EFNA5: variants seen among roughly 807,000 people sequenced by gnomAD.
EFNA5 encodes the protein ephrin-A5.
Under a neutral mutation model 22.9 loss-of-function variants are expected in EFNA5, and 5 were observed. The observed-to-expected ratio is 0.22, with a 90% CI of 0.11 to 0.46. The LOEUF is 0.46. Among genes scored for constraint, EFNA5 ranks in the 20% least tolerant of loss-of-function variants. EFNA5 has a pLI of 0.99. For missense variants in EFNA5, 237 were observed against 293.3 expected (o/e 0.81, Z 1.40); for synonymous variants, 113 against 112.2 (o/e 1.01, Z -0.04).
At chr5:107,485,361 T>C (rs17594634) in intron 1 of EFNA5, among the ~76,000 whole-genome samples, 5,196 of 152,280 alleles carry the variant, frequency 0.034, 119 homozygotes, top group East Asian at 0.11. Context: ...CAGTAGCAAA[T>C]TCTCAGGCAG....
At chr5:107,486,022 A>T (rs1430836239) in intron 1 of EFNA5, among the ~76,000 whole-genome samples, 1 of 152,196 alleles carries the variant, frequency 6.6e-6, no homozygotes, top group Non-Finnish European at 1.5e-5. Context: ...TGTCATGTTG[A>T]GGGTAAATGT....
intron 1 of EFNA5, among the ~76,000 whole-genome samples, chr5:107,461,096 T>C (rs1045502321): frequency 1.3e-5 from 2 of 152,068 alleles, no homozygotes; most frequent in African/African-American, 4.8e-5. Flanking sequence ...CACATGCACA[T>C]TTAAGTAAAA....
intron 1 of EFNA5, among the ~76,000 whole-genome samples, chr5:107,564,635 T>TTA (rs1554066804): frequency 3.4e-5 from 5 of 146,130 alleles, no homozygotes; most frequent in African/African-American, 1.0e-4. Context: ...GTTTTTGTTT[T>TTA]TTTTTTTTTT....
Position 107,391,086 on chromosome 5 carries a change from G to A in EFNA5, c.419-3315C>T, listed in dbSNP as rs183396367. On this transcript the variant is annotated intron_variant, in intron 2 of 4. Coordinates refer to ENST00000333274, the MANE Select transcript of EFNA5 (RefSeq NM_001962.3). Reference sequence around the variant, plus strand: ...ATGCATGAGAATTGCTTGAGCCCAGGAGGCAGAGGTTGCAGTGAGCCGAGA... The same window carrying A: ...ATGCATGAGAATTGCTTGAGCCCAGAAGGCAGAGGTTGCAGTGAGCCGAGA... Among the ~76,000 whole-genome samples the A allele has an allele frequency of 4.6e-3, 702 of 152,304 alleles. 5 individuals are homozygous for A. The highest frequency in any genetic ancestry group is 0.034 in the Middle Eastern group (10 of 294).
chr5:107,420,743 G>GT (rs638106), intron 2 of EFNA5, among the ~76,000 whole-genome samples: 2 of 151,934 alleles, frequency 1.3e-5, no homozygotes, highest in African/African-American at 4.8e-5. Flanking sequence ...AAATTAATTG[G>GT]TTTTTTGCCA....
intron 1 of EFNA5, among the ~76,000 whole-genome samples, chr5:107,448,494 C>G (rs930727625): frequency 2.0e-5 from 3 of 151,952 alleles, no homozygotes; most frequent in Non-Finnish European, 4.4e-5. Context: ...AGGAGATGGA[C>G]AAGAGAAAAG....
At chr5:107,431,810 A>G (rs578088177) in intron 1 of EFNA5, among the ~76,000 whole-genome samples, 75 of 152,310 alleles carry the variant, frequency 4.9e-4, no homozygotes, top group Admixed American at 1.2e-3. Context: ...TGGGCTTTAC[A>G]TATGTTATCA....
At chr5:107,500,282 T>C (rs1439645787) in intron 1 of EFNA5, among the ~76,000 whole-genome samples, 1 of 152,240 alleles carries the variant, frequency 6.6e-6, no homozygotes, top group African/African-American at 2.4e-5. Flanking sequence ...AACTGTGGTC[T>C]GTAGGGCACG....
chr5:107,612,438 T>A (rs1227643049), intron 1 of EFNA5, among the ~76,000 whole-genome samples: 1 of 151,918 alleles, frequency 6.6e-6, no homozygotes, highest in Non-Finnish European at 1.5e-5. Flanking sequence ...GAAACTGCAA[T>A]CATCAATAGC....
At chr5:107,601,297 G>A (rs1749588483) in intron 1 of EFNA5, among the ~76,000 whole-genome samples, 1 of 152,206 alleles carries the variant, frequency 6.6e-6, no homozygotes, top group African/African-American at 2.4e-5. Context: ...TCCTATGTCA[G>A]CTGGCAGGGC....
chr5:107,478,480 C>G (rs998547730), intron 1 of EFNA5, among the ~76,000 whole-genome samples: 1 of 152,232 alleles, frequency 6.6e-6, no homozygotes, highest in East Asian at 1.9e-4. Flanking sequence ...AGAGCACACA[C>G]GCAAACACAC....
intron 1 of EFNA5, among the ~76,000 whole-genome samples, chr5:107,544,532 A>T (rs1748110333): frequency 6.6e-6 from 1 of 152,230 alleles, no homozygotes; most frequent in Admixed American, 6.5e-5. Flanking sequence ...TGAACTTCAA[A>T]TTACACAAAA....
intron 1 of EFNA5, among the ~76,000 whole-genome samples, chr5:107,452,596 T>C (rs1227829129): frequency 6.6e-6 from 1 of 151,848 alleles, no homozygotes; most frequent in African/African-American, 2.4e-5. Context: ...GGTGGTGGTA[T>C]GTATCTGTAG....
At position 107,670,689 on chromosome 5, in the gene EFNA5, C is replaced by G; in HGVS notation, c.-76G>C. The G allele has an allele frequency of 6.5e-7, 1 of 1,550,028 alleles. No homozygotes were observed. The highest frequency in any genetic ancestry group is 8.7e-7 in the Non-Finnish European group (1 of 1,148,580). ...GGGGATCCGGAGGGAGGGAGGCAGG[C>G]AAAGGGACAGAGAGAGAGCGGGCGC... is the stretch of plus-strand genomic sequence containing the variant. On this transcript the variant is annotated 5_prime_UTR_variant, in exon 1 of 5. Transcript: ENST00000333274.
chr5:107,389,598 T>C (rs370716908), intron 2 of EFNA5, among the ~76,000 whole-genome samples: 6 of 152,222 alleles, frequency 3.9e-5, no homozygotes, highest in South Asian at 4.1e-4. Flanking sequence ...AAATGCTTAA[T>C]TGGTTTAGCG....
intron 1 of EFNA5, among the ~76,000 whole-genome samples, chr5:107,579,702 G>C (rs951488179): frequency 6.6e-6 from 1 of 151,886 alleles, no homozygotes; most frequent in Non-Finnish European, 1.5e-5. Context: ...AAAAGCACAG[G>C]GTGAATTCAT....
chr5:107,394,384 A>G (rs188988232), intron 2 of EFNA5, among the ~76,000 whole-genome samples: 5 of 152,358 alleles, frequency 3.3e-5, no homozygotes, highest in Non-Finnish European at 5.9e-5. Flanking sequence ...TATCATGTAA[A>G]TATTAGAAAC....
intron 2 of EFNA5, among the ~76,000 whole-genome samples, chr5:107,410,783 C>G (rs952709160): frequency 6.6e-6 from 1 of 152,328 alleles, no homozygotes; most frequent in Non-Finnish European, 1.5e-5. Flanking sequence ...CTAACTCCCT[C>G]TCTTACATTT....
rs535512777 is a variant in EFNA5 at position 107,421,946 on chromosome 5, CA to C, written c.418+5270del. Among the ~76,000 whole-genome samples the C allele has an allele frequency of 1.7e-4, 26 of 152,086 alleles. 1 individual carries two copies. In the East Asian group the frequency reaches 3.7e-3, roughly 22 times the overall value. On this transcript the variant is annotated intron_variant, in intron 2 of 4. Coordinates refer to ENST00000333274, the MANE Select transcript of EFNA5 (RefSeq NM_001962.3). ...AGCTGGGGTTACAGGCATGAGCTACCACGCCCGTCTAATTTTGCATTTTTAG... is the reference window on the plus strand; with the variant it reads ...AGCTGGGGTTACAGGCATGAGCTACCCGCCCGTCTAATTTTGCATTTTTAG...
Sources: gnomAD v4.1 joint callset for allele counts (sites outside exome capture counted in the v4.1 genomes callset) on GRCh38, gnomAD v4.1.1 for gene constraint, MANE v1.5 for transcripts, NCBI Gene and HGNC (gene_info 2026-07-23, HGNC 2026-07-21) for gene names.